The following CEP112 variants were observed in gnomAD, a reference collection of about 807,000 sequenced individuals.
CEP112 encodes centrosomal protein of 112 kDa.
In CEP112, 127 loss-of-function variants were observed where a neutral mutation model predicts 153.0. The ratio of observed to expected loss-of-function variants is 0.83; its 90% CI spans 0.72 to 0.96. CEP112 has a LOEUF of 0.96. Ranked by LOEUF, CEP112 falls within the 40% of genes least tolerant of loss-of-function variation. The pLI, the probability that CEP112 is intolerant of heterozygous loss-of-function variation, is 0.00. For synonymous variants in CEP112, 358 were observed against 374.4 expected (o/e 0.96, Z 0.51); for missense variants, 1,089 against 1,101.2 (o/e 0.99, Z 0.16).
intron 16 of CEP112, among the ~76,000 whole-genome samples, chr17:66,023,945 C>A (rs1468829252): frequency 1.3e-5 from 2 of 152,096 alleles, no homozygotes; most frequent in African/African-American, 2.4e-5. Context: ...TCAAGTCCAA[C>A]AGCACATCAA....
At position 65,655,285 on chromosome 17, in the gene CEP112, G is replaced by A. The variant is rs878958758; in HGVS notation, c.2698-14220C>T. ...TGCAGACTGCCTTTGTTGGGTGCAG[G>A]CTGAGCGACCGCAGCCTCAGACACT... is the stretch of plus-strand genomic sequence containing the variant. On this transcript the variant is annotated intron_variant, in intron 24 of 26. Transcript: ENST00000535342. The A allele has an allele frequency of 1.6e-5, 22 of 1,352,120 alleles. No homozygotes were observed. The African/African-American group carries it at 2.6e-4, about 16-fold the overall frequency. The allele number at this position is 1,352,120 out of a possible 1,614,324, so 83.8% of individuals were successfully genotyped here. A position where few individuals can be genotyped will look rare whatever the true frequency, so the allele number is the denominator to read the frequency against.
At chr17:65,737,368 C>G (rs2050864244) in intron 23 of CEP112, among the ~76,000 whole-genome samples, 1 of 152,114 alleles carries the variant, frequency 6.6e-6, no homozygotes. Context: ...AGTCAAAATT[C>G]TGAGAATTTT....
At chr17:66,120,999 C>G (rs1277603603) in intron 6 of CEP112, among the ~76,000 whole-genome samples, 1 of 152,152 alleles carries the variant, frequency 6.6e-6, no homozygotes. Context: ...TCTTTGTTGG[C>G]CGGGTGCAGT....
Position 66,048,898 on chromosome 17 carries a change from C to T in CEP112, c.1218+4838G>A, listed in dbSNP as rs1326406611. Among the ~76,000 whole-genome samples, 5 of 152,114 alleles carry T rather than the reference C, an allele frequency of 3.3e-5. No individual in the cohort carries two copies. In the South Asian group the frequency reaches 6.2e-4, roughly 19 times the overall value. On this transcript the variant is annotated intron_variant, in intron 12 of 26. Coordinates refer to ENST00000535342, the MANE Select transcript of CEP112 (RefSeq NM_001199165.4). ...TATTGGGATTACAGGGGAGAGCCAC[C>T]ACGCCAGGCCAAAAAAGCACTAAGT...
chr17:65,727,440 C>T (rs543416023), intron 23 of CEP112, among the ~76,000 whole-genome samples: 1 of 152,256 alleles, frequency 6.6e-6, no homozygotes, highest in Non-Finnish European at 1.5e-5. Context: ...AAGCTGAGAG[C>T]CTTTTGGCAG....
intron 6 of CEP112, among the ~76,000 whole-genome samples, chr17:66,127,678 G>A (rs760060467): frequency 6.6e-5 from 10 of 151,998 alleles, no homozygotes; most frequent in African/African-American, 1.7e-4. Flanking sequence ...TCTAGTCTCC[G>A]GGCGCAGCTG....
chr17:66,149,907 T>G (rs1463496764), intron 4 of CEP112, among the ~76,000 whole-genome samples: 2 of 128,244 alleles, frequency 1.6e-5, no homozygotes, highest in Non-Finnish European at 3.3e-5. Context: ...TTTTTTTTTT[T>G]TTGAGATGGA....
chr17:66,097,352 G>A (rs2068391048), intron 6 of CEP112, among the ~76,000 whole-genome samples: 1 of 152,092 alleles, frequency 6.6e-6, no homozygotes, highest in African/African-American at 2.4e-5. Context: ...TACTACTCCA[G>A]TAGTACCCTG....
intron 21 of CEP112, among the ~76,000 whole-genome samples, chr17:65,766,998 G>T (rs2053024121): frequency 4.0e-5 from 6 of 151,630 alleles, no homozygotes; most frequent in Admixed American, 3.3e-4. Context: ...TAATGAGACA[G>T]AAAATTAAAA....
intron 23 of CEP112, among the ~76,000 whole-genome samples, chr17:65,701,524 C>A (rs1317030442): frequency 6.6e-6 from 1 of 152,102 alleles, no homozygotes; most frequent in Admixed American, 6.5e-5. Context: ...GAATGCATAT[C>A]ACGACATCCA....
At chr17:66,172,443 CTTA>C in intron 4 of CEP112, among the ~76,000 whole-genome samples, 1 of 152,274 alleles carries the variant, frequency 6.6e-6, no homozygotes, top group Middle Eastern at 3.4e-3. Context: ...TTTCCCATTA[CTTA>C]TTATATAACT....
chr17:65,731,151 A>G (rs967781464), intron 23 of CEP112, among the ~76,000 whole-genome samples: 1 of 152,116 alleles, frequency 6.6e-6, no homozygotes, highest in African/African-American at 2.4e-5. Flanking sequence ...TTTGGCATAC[A>G]GCCTTTTGTG....
chr17:65,638,304 C>A (rs2044892616), intron 25 of CEP112, among the ~76,000 whole-genome samples: 3 of 152,194 alleles, frequency 2.0e-5, no homozygotes, highest in South Asian at 2.1e-4. Context: ...TTACACAACC[C>A]AAATGGTTTG....
intron 17 of CEP112, among the ~76,000 whole-genome samples, chr17:65,978,057 A>G (rs375481110): frequency 6.6e-6 from 1 of 152,124 alleles, no homozygotes. Context: ...CCTGGGGGAC[A>G]AGAGTAAGAC....
At chr17:66,038,478 AAAC>A (rs771699614) in intron 12 of CEP112, among the ~76,000 whole-genome samples, 4 of 152,260 alleles carry the variant, frequency 2.6e-5, no homozygotes, top group South Asian at 2.1e-4. Flanking sequence ...AGTATCTTAA[AAAC>A]AACAACATTT....
intron 17 of CEP112, among the ~76,000 whole-genome samples, chr17:65,966,839 A>G (rs2062432680): frequency 6.6e-6 from 1 of 152,236 alleles, no homozygotes; most frequent in African/African-American, 2.4e-5. Flanking sequence ...ACAGTCAGAA[A>G]GAAATGCCCA....
chr17:66,001,509 T>G (rs1360149241), intron 17 of CEP112, among the ~76,000 whole-genome samples: 1 of 152,196 alleles, frequency 6.6e-6, no homozygotes, highest in Non-Finnish European at 1.5e-5. Flanking sequence ...AGAATGTTTA[T>G]GACAATGCAA....
rs531904058 is a variant in CEP112 at position 65,971,277 on chromosome 17, A to G, written c.1737-9679T>C. ...AATGCGTACTGCACACATGTACAGC[A>G]CATGCACATAACAAATATGCACGTT... On this transcript the variant is annotated intron_variant, in intron 17 of 26. Transcript: ENST00000535342. Among the ~76,000 whole-genome samples the G allele has an allele frequency of 4.1e-3, 619 of 152,356 alleles. 3 individuals carry two copies. Among genetic ancestry groups the G allele is most frequent in the Non-Finnish European group, 6.5e-3 (444 of 68,018 alleles).
At chr17:66,103,219 C>CA (rs546530645) in intron 6 of CEP112, among the ~76,000 whole-genome samples, 1,385 of 123,104 alleles carry the variant, frequency 0.011, 18 homozygotes, top group African/African-American at 0.028. Context: ...AATTCCATCT[C>CA]AAAAAAAAAA....
Sources: gnomAD v4.1 joint callset for allele counts (sites outside exome capture counted in the v4.1 genomes callset) on GRCh38, gnomAD v4.1.1 for gene constraint, MANE v1.5 for transcripts, NCBI Gene and HGNC (gene_info 2026-07-23, HGNC 2026-07-21) for gene names.